The following APBB2 variants were observed in gnomAD, a reference collection of about 807,000 sequenced individuals.
APBB2 encodes Fe65-like 1.
APBB2 carries 38 observed loss-of-function variants against 82.5 expected under a neutral mutation model. The observed-to-expected ratio is 0.46, with a 90% CI of 0.36 to 0.60. APBB2 has a LOEUF of 0.60. Among genes scored for constraint, APBB2 ranks in the 20% least tolerant of loss-of-function variants. The probability of loss-of-function intolerance (pLI) is 0.00; values close to 1 mark genes in which losing one functional copy is unlikely to be tolerated. For synonymous variants in APBB2, 341 were observed against 368.2 expected, an observed-to-expected ratio of 0.93 and a Z score of 0.85; for missense variants, 772 against 972.3, an observed-to-expected ratio of 0.79 and a Z score of 2.74.
intron 1 of APBB2, among the ~76,000 whole-genome samples, chr4:41,159,404 T>C (rs1359072223): frequency 3.3e-5 from 5 of 152,230 alleles, no homozygotes; most frequent in Admixed American, 2.6e-4. Flanking sequence ...ACAGTAATAT[T>C]AGCCGACTTA....
intron 10 of APBB2, among the ~76,000 whole-genome samples, chr4:40,894,588 C>T (rs193021896): frequency 6.6e-6 from 1 of 152,262 alleles, no homozygotes; most frequent in African/African-American, 2.4e-5. Context: ...GGTCCTATAG[C>T]GTTTGTGACG....
At chr4:40,926,398 C>T (rs1782611986) in intron 10 of APBB2, among the ~76,000 whole-genome samples, 1 of 152,188 alleles carries the variant, frequency 6.6e-6, no homozygotes, top group Admixed American at 6.5e-5. Flanking sequence ...AATTCCTTCA[C>T]CCATTCCCAC....
chr4:41,095,505 C>A (rs985688597), intron 3 of APBB2, among the ~76,000 whole-genome samples: 3 of 152,216 alleles, frequency 2.0e-5, no homozygotes, highest in Non-Finnish European at 2.9e-5. Context: ...GCTTAGTATG[C>A]CCACCTCCAG....
At chr4:40,845,974 G>GGTAGGTGGGT (rs1432925570) in intron 12 of APBB2, among the ~76,000 whole-genome samples, 1,615 of 142,266 alleles carry the variant, frequency 0.011, 46 homozygotes, top group African/African-American at 0.041. Flanking sequence ...TTCAGGGGTG[G>GGTAGGTGGGT]GTAGGTGGGT....
intron 2 of APBB2, among the ~76,000 whole-genome samples, chr4:41,131,709 T>C (rs765957163): frequency 2.6e-5 from 4 of 152,182 alleles, no homozygotes; most frequent in African/African-American, 4.8e-5. Flanking sequence ...AAAATTCTTA[T>C]GAAATTAGAA....
At chr4:40,961,523 TTGGGAGA>T (rs1158204809) in intron 6 of APBB2, among the ~76,000 whole-genome samples, 2 of 144,814 alleles carry the variant, frequency 1.4e-5, no homozygotes, top group East Asian at 4.3e-4. Context: ...AGGGATAGCA[TTGGGAGA>T]TATACCTAAT....
At chr4:41,181,431 T>C (rs1329360197) in intron 1 of APBB2, among the ~76,000 whole-genome samples, 1 of 152,248 alleles carries the variant, frequency 6.6e-6, no homozygotes, top group Non-Finnish European at 1.5e-5. Context: ...GTGCTTAAAA[T>C]TGTTTTTGGA....
chr4:40,858,373 T>C (rs897860015), intron 12 of APBB2, among the ~76,000 whole-genome samples: 2 of 146,922 alleles, frequency 1.4e-5, no homozygotes, highest in Admixed American at 7.0e-5. Flanking sequence ...GAGAATTGCT[T>C]GAACCTGGGA....
Position 40,911,204 on chromosome 4 carries a change from CAT to C in APBB2, c.1255-17795_1255-17794del, listed in dbSNP as rs148948382. Among the ~76,000 whole-genome samples, 139 of 152,346 alleles carry C rather than the reference CAT, an allele frequency of 9.1e-4. 1 individual carries two copies. Among genetic ancestry groups the C allele is most frequent in the African/African-American group, 3.3e-3 (138 of 41,584 alleles). On this transcript the variant is annotated intron_variant, in intron 10 of 17. Coordinates refer to ENST00000508593, the MANE Select transcript of APBB2 (RefSeq NM_004307.2). ...TAGAGTATTTGCAGGATGCAGAATT[CAT>C]AGAGGGTTGACTTCTCGAATCCGTG...
intron 15 of APBB2, 152 bp downstream of exon 15, chr4:40,825,735 C>A (rs78948262): frequency 4.7e-6 from 3 of 643,604 alleles, no homozygotes; most frequent in Admixed American, 4.8e-5. Context: ...TGATCAGGAC[C>A]GTTTATGTTC....
rs1190800550 is a variant in APBB2, at chr4:40,844,907, AGT to A, written c.1530-14332_1530-14331del. Among the ~76,000 whole-genome samples, 4 of 152,350 alleles carry A rather than the reference AGT, an allele frequency of 2.6e-5. No individual in the cohort carries two copies. In the East Asian group the frequency reaches 7.7e-4, roughly 29 times the overall value. On this transcript the variant is annotated intron_variant, in intron 12 of 17. Transcript: ENST00000508593. ...TATTTTTAATAAAAAGCCTATCTGT[AGT>A]GTGTGACAAAAACTTTAAAAATCTA...
At position 40,928,421 on chromosome 4, in the gene APBB2, CA is replaced by C; in HGVS notation, c.1254+6034del. Reference sequence around the variant, plus strand: ...ACACACACACACACACACACACACACACACACAATCAGCCAGGTGTGTTGAC... The same window carrying C: ...ACACACACACACACACACACACACACCACACAATCAGCCAGGTGTGTTGAC... On this transcript the variant is annotated intron_variant, in intron 10 of 17. Coordinates refer to ENST00000508593, the MANE Select transcript of APBB2 (RefSeq NM_004307.2). 5.5e-5 allele frequency among the ~76,000 whole-genome samples: 4 copies of C among 72,182 alleles called. 1 individual carries two copies. The South Asian group carries it at 2.8e-3, about 51-fold the overall frequency. The allele number at this position is 72,182 out of a possible 152,430, so 47.4% of individuals were successfully genotyped here.
At chr4:41,153,191 G>C (rs1762695104) in intron 1 of APBB2, among the ~76,000 whole-genome samples, 2 of 152,076 alleles carry the variant, frequency 1.3e-5, no homozygotes, top group South Asian at 4.2e-4. Context: ...TAAAGCTTGG[G>C]TTTTACCTTA....
At chr4:41,204,421 A>G (rs1303288940) in intron 1 of APBB2, among the ~76,000 whole-genome samples, 1 of 152,170 alleles carries the variant, frequency 6.6e-6, no homozygotes, top group East Asian at 1.9e-4. Context: ...ACGCATTCAG[A>G]AACAGCAGGC....
chr4:40,896,697 A>G (rs932589253), intron 10 of APBB2, among the ~76,000 whole-genome samples: 2 of 152,222 alleles, frequency 1.3e-5, no homozygotes, highest in African/African-American at 4.8e-5. Flanking sequence ...TTTCCCCTCA[A>G]TAGTTCTGGG....
chr4:40,961,667 TAAAAAAAAA>T (rs60942744), intron 6 of APBB2, among the ~76,000 whole-genome samples: 17 of 68,244 alleles, frequency 2.5e-4, no homozygotes, highest in African/African-American at 7.2e-4. Context: ...AAAAAAGATG[TAAAAAAAAA>T]AAAAAAAAAA....
intron 6 of APBB2, among the ~76,000 whole-genome samples, chr4:40,946,232 C>CAAAAAAAAAAAA (rs55995119): frequency 1.3e-5 from 1 of 78,724 alleles, no homozygotes; most frequent in African/African-American, 5.1e-5. Context: ...ACTCTATCTC[C>CAAAAAAAAAAAA]AAAAAAAAAA....
chr4:41,169,021 C>T (rs139130453), intron 1 of APBB2, among the ~76,000 whole-genome samples: 1,763 of 151,750 alleles, frequency 0.012, 32 homozygotes, highest in African/African-American at 0.041. Flanking sequence ...CCCGTCTCTA[C>T]CAAAAATACA....
At chr4:41,196,137 C>T in intron 1 of APBB2, among the ~76,000 whole-genome samples, 7 of 150,272 alleles carry the variant, frequency 4.7e-5, no homozygotes, top group African/African-American at 9.9e-5. Context: ...CCAGCCTGGT[C>T]GACAGAGCAA....
Sources: gnomAD v4.1 joint callset for allele counts (sites outside exome capture counted in the v4.1 genomes callset) on GRCh38, gnomAD v4.1.1 for gene constraint, MANE v1.5 for transcripts, NCBI Gene and HGNC (gene_info 2026-07-23, HGNC 2026-07-21) for gene names.